Variants in NEK7 observed in about 807,000 individuals in gnomAD.
NEK7 encodes serine/threonine-protein kinase Nek7.
A neutral mutation model predicts 44.6 loss-of-function variants in NEK7; 18 were observed. The ratio of observed to expected loss-of-function variants is 0.40; its 90% CI spans 0.28 to 0.60. The LOEUF (loss-of-function observed/expected upper bound fraction) is 0.60. Ranked by LOEUF, NEK7 falls within the 20% of genes least tolerant of loss-of-function variation. The pLI is 0.38. For missense variants in NEK7, 256 were observed against 366.5 expected (o/e 0.70, Z 2.46); for synonymous variants, 130 against 121.1 (o/e 1.07, Z -0.48).
At chr1:198,197,768 A>C (rs1665286542) in intron 1 of NEK7, 2 of 691,928 alleles carry the variant, frequency 2.9e-6, no homozygotes, top group South Asian at 2.8e-5. Context: ...GGTAAGGTCC[A>C]GGGCCTGTAT....
chr1:198,298,417 A>G (rs552631596), intron 9 of NEK7, among the ~76,000 whole-genome samples: 23 of 152,320 alleles, frequency 1.5e-4, no homozygotes, highest in African/African-American at 4.6e-4. Flanking sequence ...GATACTGATA[A>G]TCAGTGATGC....
At chr1:198,293,900 G>C (rs931669097) in intron 8 of NEK7, among the ~76,000 whole-genome samples, 3 of 151,832 alleles carry the variant, frequency 2.0e-5, no homozygotes, top group African/African-American at 7.2e-5. Context: ...TATGAGAGAA[G>C]TCTAAAGAGG....
chr1:198,252,182 G>A (rs977808338), intron 2 of NEK7, among the ~76,000 whole-genome samples: 1 of 152,164 alleles, frequency 6.6e-6, no homozygotes, highest in Admixed American at 6.5e-5. Context: ...CAGTTGAGCG[G>A]TTTTGAGTGA....
intron 1 of NEK7, among the ~76,000 whole-genome samples, chr1:198,180,069 T>G (rs1246497014): frequency 6.6e-6 from 1 of 152,104 alleles, no homozygotes; most frequent in Non-Finnish European, 1.5e-5. Flanking sequence ...AAATGATAAG[T>G]GTAAAATGTC....
chr1:198,223,923 A>G (rs554285622), intron 1 of NEK7, among the ~76,000 whole-genome samples: 3 of 152,336 alleles, frequency 2.0e-5, no homozygotes, highest in African/African-American at 7.2e-5. Context: ...ATCTTGTAGA[A>G]TAAAGATCTT....
At chr1:198,173,047 G>T (rs1450026740) in intron 1 of NEK7, among the ~76,000 whole-genome samples, 1 of 152,086 alleles carries the variant, frequency 6.6e-6, no homozygotes, top group African/African-American at 2.4e-5. Context: ...TAGAGCTCTG[G>T]TGTCATCAGT....
intron 1 of NEK7, among the ~76,000 whole-genome samples, chr1:198,176,645 G>A (rs1664611272): frequency 6.6e-6 from 1 of 152,002 alleles, no homozygotes; most frequent in South Asian, 2.1e-4. Context: ...CTAACATCAG[G>A]AAGAGCAGTT....
At chr1:198,213,904 G>A (rs1331940301) in intron 1 of NEK7, among the ~76,000 whole-genome samples, 7 of 152,148 alleles carry the variant, frequency 4.6e-5, no homozygotes, top group Non-Finnish European at 7.3e-5. Context: ...TCAACCCAGT[G>A]TATAAAATAT....
At chr1:198,217,730 T>G (rs549938138) in intron 1 of NEK7, among the ~76,000 whole-genome samples, 1 of 151,120 alleles carries the variant, frequency 6.6e-6, no homozygotes, top group South Asian at 2.1e-4. Context: ...ATAAATGAAT[T>G]AAGTATCAGG....
chr1:198,318,130 G>T (rs1416933058), intron 9 of NEK7, among the ~76,000 whole-genome samples: 1 of 151,974 alleles, frequency 6.6e-6, no homozygotes, highest in Non-Finnish European at 1.5e-5. Flanking sequence ...ATTTCATTCT[G>T]CTAGAATCGT....
chr1:198,225,387 A>G (rs536622017), intron 1 of NEK7, among the ~76,000 whole-genome samples: 2 of 152,204 alleles, frequency 1.3e-5, no homozygotes, highest in Non-Finnish European at 2.9e-5. Flanking sequence ...AGTTGTGTTG[A>G]AAGCTGGTGG....
intron 2 of NEK7, among the ~76,000 whole-genome samples, chr1:198,243,780 A>G (rs747640267): frequency 5.9e-5 from 9 of 152,156 alleles, no homozygotes; most frequent in Non-Finnish European, 8.8e-5. Context: ...ACACTTAACG[A>G]AACTTTAGGA....
intron 1 of NEK7, among the ~76,000 whole-genome samples, chr1:198,226,197 A>C (rs1451376922): frequency 2.0e-5 from 3 of 152,108 alleles, no homozygotes; most frequent in African/African-American, 7.2e-5. Context: ...GGGCATGATA[A>C]GTAATGGTGT....
chr1:198,255,171 G>C (rs1653211783), intron 3 of NEK7, among the ~76,000 whole-genome samples: 1 of 152,180 alleles, frequency 6.6e-6, no homozygotes, highest in Non-Finnish European at 1.5e-5. Flanking sequence ...ATTGTGGTGA[G>C]CATTGGAGCC....
At position 198,320,241 on chromosome 1, in the gene NEK7, G is replaced by A. The variant is rs1655495719; in HGVS notation, c.*719G>A. On this transcript the variant is annotated 3_prime_UTR_variant, in exon 10 of 10. Transcript: ENST00000367385. ...CCATTTAAAAAGTGGTTAAGGATTTGTTTAGCTGGTGTGATAATAATTTTT... is the reference window on the plus strand; with the variant it reads ...CCATTTAAAAAGTGGTTAAGGATTTATTTAGCTGGTGTGATAATAATTTTT... The A allele has an allele frequency of 1.3e-5, 2 of 152,096 alleles. No homozygotes were observed. Among genetic ancestry groups the A allele is most frequent in the African/African-American group, 4.8e-5 (2 of 41,428 alleles). 9.4% of individuals were successfully genotyped at this position (152,096 alleles called of 1,614,324 possible). A position where few individuals can be genotyped will look rare whatever the true frequency, so the allele number is the denominator to read the frequency against.
At chr1:198,297,672 C>T (rs1324736467) in intron 9 of NEK7, among the ~76,000 whole-genome samples, 1 of 152,180 alleles carries the variant, frequency 6.6e-6, no homozygotes, top group Non-Finnish European at 1.5e-5. Flanking sequence ...CCCTTTCGTC[C>T]ATGTTTTCCA....
At chr1:198,225,172 A>G (rs1190898349) in intron 1 of NEK7, among the ~76,000 whole-genome samples, 1 of 151,808 alleles carries the variant, frequency 6.6e-6, no homozygotes, top group South Asian at 2.1e-4. Flanking sequence ...GTGAGACCCC[A>G]TCTCTACAAA....
intron 7 of NEK7, among the ~76,000 whole-genome samples, chr1:198,292,479 G>A (rs1339171807): frequency 6.6e-6 from 1 of 151,814 alleles, no homozygotes; most frequent in Non-Finnish European, 1.5e-5. Context: ...GCCACGCTGT[G>A]TTCTAAAGGA....
intron 1 of NEK7, among the ~76,000 whole-genome samples, chr1:198,163,079 G>A (rs534339529): frequency 6.6e-6 from 1 of 152,152 alleles, no homozygotes; most frequent in East Asian, 1.9e-4. Context: ...AAAGACATAT[G>A]TCCTTATATT....
Sources: allele counts gnomAD v4.1 joint callset (sites outside exome capture counted in the v4.1 genomes callset), GRCh38; gene constraint gnomAD v4.1.1; transcripts MANE v1.5; gene names NCBI Gene and HGNC (gene_info 2026-07-23, HGNC 2026-07-21).